Variants in MARCHF4 observed in about 807,000 individuals in gnomAD.
MARCHF4 encodes the protein membrane associated ring-CH-type finger 4, also known as E3 ubiquitin-protein ligase MARCHF4.
In MARCHF4, 14 loss-of-function variants were observed where a neutral mutation model predicts 43.9. That is an observed-to-expected ratio of 0.32 (90% CI 0.21 to 0.50). The LOEUF is 0.50. MARCHF4 is among the 20% of genes least tolerant of loss of function. MARCHF4 has a pLI of 0.98. For missense variants in MARCHF4, 468 were observed against 536.7 expected, an observed-to-expected ratio of 0.87 and a Z score of 1.27; for synonymous variants, 226 against 213.3, an observed-to-expected ratio of 1.06 and a Z score of -0.52.
At chr2:216,264,162 G>A (rs1690805924) in intron 3 of MARCHF4, among the ~76,000 whole-genome samples, 1 of 152,158 alleles carries the variant, frequency 6.6e-6, no homozygotes, top group South Asian at 2.1e-4. Context: ...CTGAAATCAT[G>A]CCTCGCTCAA....
At chr2:216,284,061 G>A (rs1275613556) in intron 1 of MARCHF4, among the ~76,000 whole-genome samples, 2 of 152,318 alleles carry the variant, frequency 1.3e-5, no homozygotes, top group South Asian at 2.1e-4. Flanking sequence ...GGCTGCAGAA[G>A]TGTCTCCGTA....
intron 1 of MARCHF4, among the ~76,000 whole-genome samples, chr2:216,348,919 A>T (rs959401146): frequency 6.6e-6 from 1 of 152,148 alleles, no homozygotes; most frequent in Non-Finnish European, 1.5e-5. Flanking sequence ...TTGGTTCCAG[A>T]ATTCCACATT....
chr2:216,365,338 C>A (rs1464723465), intron 1 of MARCHF4, among the ~76,000 whole-genome samples: 2 of 152,244 alleles, frequency 1.3e-5, no homozygotes, highest in Admixed American at 1.3e-4. Context: ...TAAACTTTTC[C>A]AGATACACGT....
intron 1 of MARCHF4, among the ~76,000 whole-genome samples, chr2:216,305,451 C>T (rs898972889): frequency 3.3e-5 from 5 of 152,198 alleles, no homozygotes; most frequent in African/African-American, 1.2e-4. Flanking sequence ...ATCCTTATTC[C>T]TATTCACCTT....
At chr2:216,328,814 T>G (rs62181083) in intron 1 of MARCHF4, among the ~76,000 whole-genome samples, 57,509 of 151,386 alleles carry the variant, frequency 0.38, 11,521 homozygotes, top group East Asian at 0.55. Context: ...GAGGCAGTTG[T>G]ATCACCTGAG....
intron 1 of MARCHF4, among the ~76,000 whole-genome samples, chr2:216,348,762 T>C (rs905793053): frequency 1.3e-5 from 2 of 152,172 alleles, no homozygotes; most frequent in African/African-American, 4.8e-5. Flanking sequence ...AAGAACCCTC[T>C]TTTGGGGTCT....
intron 1 of MARCHF4, among the ~76,000 whole-genome samples, chr2:216,336,208 AGTGTG>A (rs1389677732): frequency 6.6e-6 from 1 of 152,200 alleles, no homozygotes; most frequent in Admixed American, 6.5e-5. Context: ...AAAAATTTTA[AGTGTG>A]GCAACAGAAA....
chr2:216,354,866 G>C (rs1477781447), intron 1 of MARCHF4, among the ~76,000 whole-genome samples: 1 of 150,956 alleles, frequency 6.6e-6, no homozygotes, highest in Non-Finnish European at 1.5e-5. Flanking sequence ...ATTCCTGCCT[G>C]TTCATGAAAC....
chr2:216,369,650 G>T, intron 1 of MARCHF4, 95 bp downstream of exon 1: 2 of 1,020,790 alleles, frequency 2.0e-6, no homozygotes, highest in Non-Finnish European at 2.9e-6. Context: ...TCATACTAAA[G>T]ACAATATAAC....
intron 1 of MARCHF4, among the ~76,000 whole-genome samples, chr2:216,369,059 T>C (rs1382195088): frequency 6.6e-6 from 1 of 152,230 alleles, no homozygotes; most frequent in Admixed American, 6.5e-5. Flanking sequence ...AGATACCTTA[T>C]TGCCTACGTC....
At chr2:216,345,312 A>G (rs895860851) in intron 1 of MARCHF4, among the ~76,000 whole-genome samples, 5 of 151,934 alleles carry the variant, frequency 3.3e-5, no homozygotes, top group African/African-American at 9.7e-5. Context: ...ATTCCCTGCT[A>G]AAAGGCCAAA....
At chr2:216,283,087 C>T (rs1329394770) in intron 2 of MARCHF4, among the ~76,000 whole-genome samples, 1 of 152,168 alleles carries the variant, frequency 6.6e-6, no homozygotes. Flanking sequence ...GTCTATTCTT[C>T]TTATTTCTTC....
rs556334890 is a variant in MARCHF4 at position 216,344,260 on chromosome 2, C to CAAAA, written c.516+25484_516+25485insTTTT. Among the ~76,000 whole-genome samples the CAAAA allele has an allele frequency of 2.6e-3, 398 of 151,882 alleles. 4 individuals carry two copies. Among genetic ancestry groups the CAAAA allele is most frequent in the African/African-American group, 9.4e-3 (388 of 41,336 alleles). On this transcript the variant is annotated intron_variant, in intron 1 of 3. Coordinates refer to ENST00000273067, the MANE Select transcript of MARCHF4 (RefSeq NM_020814.3). The stretch of plus-strand genomic sequence containing the variant: ...ACAAAAACAGAAACAAACAAACAAA[C>CAAAA]AAACAAAAAAACATGTGACAATACT...
In MARCHF4 at chr2:216,284,785, C is replaced by T. The variant is rs183094246; in HGVS notation, c.517-1056G>A. On this transcript the variant is annotated intron_variant, in intron 1 of 3. Coordinates refer to ENST00000273067, the MANE Select transcript of MARCHF4 (RefSeq NM_020814.3). Reference sequence around the variant, plus strand: ...GATTCCTGGAATCATATTTCTTTTCCATTTCAACTCCTATCATTCAAGGAT... The same window carrying T: ...GATTCCTGGAATCATATTTCTTTTCTATTTCAACTCCTATCATTCAAGGAT... 2.6e-5 allele frequency among the ~76,000 whole-genome samples: 4 copies of T among 152,238 alleles called. 1 individual carries two copies. The highest frequency in any genetic ancestry group is 9.6e-5 in the African/African-American group (4 of 41,536).
chr2:216,329,251 G>C (rs1692046651), intron 1 of MARCHF4, among the ~76,000 whole-genome samples: 1 of 152,028 alleles, frequency 6.6e-6, no homozygotes, highest in Non-Finnish European at 1.5e-5. Flanking sequence ...CTTGGTGGCG[G>C]GCACCTGTAG....
At chr2:216,316,194 G>A (rs1006653435) in intron 1 of MARCHF4, among the ~76,000 whole-genome samples, 1 of 152,190 alleles carries the variant, frequency 6.6e-6, no homozygotes, top group Non-Finnish European at 1.5e-5. Flanking sequence ...CCGGAATAAG[G>A]GCAGTCCTTC....
chr2:216,340,617 C>T (rs937012973), intron 1 of MARCHF4, among the ~76,000 whole-genome samples: 1 of 152,184 alleles, frequency 6.6e-6, no homozygotes, highest in Non-Finnish European at 1.5e-5. Flanking sequence ...GGTCCAGCCT[C>T]CCAGGGTTGA....
Position 216,277,844 on chromosome 2 carries a change from C to G in MARCHF4, c.693G>C (p.Thr231=), listed in dbSNP as rs762905105. 1 of 1,611,794 alleles carries G rather than the reference C, an allele frequency of 6.2e-7. No individual in the cohort carries two copies. The highest frequency in any genetic ancestry group is 2.2e-5 in the East Asian group (1 of 44,806). ...NPLQWQAISL[T]VIEKVQVAAA... ...CTGCAACCTGAACCTTCTCAATGAC[C>G]GTCAGAGAGATGGCCTGCCACTGCA... The change falls in exon 3 of 4, where the codon ACG becomes ACC. Residue 231 remains threonine (T), a synonymous_variant. Coordinates refer to ENST00000273067, the MANE Select transcript of MARCHF4 (RefSeq NM_020814.3).
chr2:216,264,191 C>T (rs145110256), intron 3 of MARCHF4, among the ~76,000 whole-genome samples: 16 of 152,164 alleles, frequency 1.1e-4, no homozygotes, highest in African/African-American at 3.4e-4. Context: ...CAAGGTTCAT[C>T]GAAAAAGAGG....
Sources: allele counts gnomAD v4.1 joint callset (sites outside exome capture counted in the v4.1 genomes callset), GRCh38; gene constraint gnomAD v4.1.1; transcripts MANE v1.5; gene names NCBI Gene and HGNC (gene_info 2026-07-23, HGNC 2026-07-21).